Variants in CFAP299 observed in about 807,000 individuals in gnomAD.
CFAP299 encodes the protein cilia- and flagella-associated protein 299.
A neutral mutation model predicts 27.0 loss-of-function variants in CFAP299; 21 were observed. The observed-to-expected ratio is 0.78, with a 90% CI of 0.55 to 1.12. CFAP299 has a LOEUF of 1.12. CFAP299 is among the 50% of genes most tolerant of loss of function. The probability of loss-of-function intolerance (pLI) is 0.00; values close to 1 mark genes in which losing one functional copy is unlikely to be tolerated. For missense variants in CFAP299, 310 were observed against 276.6 expected (o/e 1.12, Z -0.86); for synonymous variants, 104 against 98.1 (o/e 1.06, Z -0.36).
At chr4:80,506,644 A>G (rs1288647576) in intron 2 of CFAP299, among the ~76,000 whole-genome samples, 1 of 152,156 alleles carries the variant, frequency 6.6e-6, no homozygotes, top group African/African-American at 2.4e-5. Context: ...TGAATTCTGA[A>G]GTAGAAAAAA....
intron 3 of CFAP299, among the ~76,000 whole-genome samples, chr4:80,661,696 A>G (rs1740858435): frequency 6.6e-6 from 1 of 152,204 alleles, no homozygotes; most frequent in South Asian, 2.1e-4. Flanking sequence ...TGAAAAAAGA[A>G]CAGGACAACA....
At chr4:80,781,211 G>A (rs1301259786) in intron 3 of CFAP299, among the ~76,000 whole-genome samples, 2 of 151,870 alleles carry the variant, frequency 1.3e-5, no homozygotes, top group Non-Finnish European at 1.5e-5. Context: ...AAGTAACTTC[G>A]TGGAAAATTT....
At chr4:80,350,752 A>C (rs889478819) in intron 1 of CFAP299, among the ~76,000 whole-genome samples, 3 of 152,188 alleles carry the variant, frequency 2.0e-5, no homozygotes, top group African/African-American at 7.2e-5. Context: ...ACGGACACAC[A>C]GAGGGGAATA....
At chr4:80,801,339 T>C (rs1474397891) in intron 3 of CFAP299, among the ~76,000 whole-genome samples, 1 of 152,088 alleles carries the variant, frequency 6.6e-6, no homozygotes, top group East Asian at 1.9e-4. Context: ...AATCTATGAT[T>C]GACACAAATA....
Position 80,874,752 on chromosome 4 carries a change from A to G in CFAP299, c.476+4617A>G, listed in dbSNP as rs187916339. ...CATAAATTTTGGAGGGGACACATTC[A>G]AACCATAGCAATATTAAATTTTGAG... On this transcript the variant is annotated intron_variant, in intron 4 of 5. Transcript: ENST00000358105. Among the ~76,000 whole-genome samples the G allele has an allele frequency of 3.3e-5, 5 of 152,290 alleles. No individual in the cohort carries two copies. The East Asian group carries it at 5.8e-4, about 18-fold the overall frequency.
At chr4:80,495,585 T>G (rs1421931797) in intron 2 of CFAP299, among the ~76,000 whole-genome samples, 1 of 152,212 alleles carries the variant, frequency 6.6e-6, no homozygotes, top group Non-Finnish European at 1.5e-5. Context: ...GAAAACAGCT[T>G]GAGGCCAGGC....
At chr4:80,899,964 T>C (rs1380395956) in intron 4 of CFAP299, among the ~76,000 whole-genome samples, 1 of 152,086 alleles carries the variant, frequency 6.6e-6, no homozygotes, top group Non-Finnish European at 1.5e-5. Context: ...AAAACATTGG[T>C]GACTTTATAA....
At chr4:80,731,109 T>A (rs1054366286) in intron 3 of CFAP299, among the ~76,000 whole-genome samples, 1 of 152,226 alleles carries the variant, frequency 6.6e-6, no homozygotes, top group African/African-American at 2.4e-5. Context: ...AGTATATTTT[T>A]AAAGATGAAA....
At chr4:80,499,781 G>C (rs1731651725) in intron 2 of CFAP299, among the ~76,000 whole-genome samples, 1 of 151,816 alleles carries the variant, frequency 6.6e-6, no homozygotes, top group Non-Finnish European at 1.5e-5. Context: ...TTTTTCCTAG[G>C]ATAAGCACTG....
intron 3 of CFAP299, among the ~76,000 whole-genome samples, chr4:80,655,065 G>A (rs575317489): frequency 5.9e-5 from 9 of 152,138 alleles, no homozygotes; most frequent in African/African-American, 1.7e-4. Flanking sequence ...ATTCTAGGGC[G>A]ATGCCAGTTA....
chr4:80,936,524 A>T (rs1327031486), intron 4 of CFAP299, among the ~76,000 whole-genome samples: 1 of 152,148 alleles, frequency 6.6e-6, no homozygotes, highest in African/African-American at 2.4e-5. Context: ...ACCCTAGCAC[A>T]CTAATGCAGG....
At chr4:80,427,227 G>A (rs974019176) in intron 2 of CFAP299, among the ~76,000 whole-genome samples, 8 of 151,956 alleles carry the variant, frequency 5.3e-5, no homozygotes, top group African/African-American at 1.9e-4. Context: ...CATTTCTCCA[G>A]CTTATTTAAC....
chr4:80,324,905 C>T, the CFAP299 span, among the ~76,000 whole-genome samples: 1 of 152,112 alleles, frequency 6.6e-6, no homozygotes, highest in Non-Finnish European at 1.5e-5. Context: ...GTTGGAACAC[C>T]TGAGGTCAGG....
At chr4:80,383,711 A>T (rs965143306) in intron 2 of CFAP299, among the ~76,000 whole-genome samples, 1 of 152,108 alleles carries the variant, frequency 6.6e-6, no homozygotes, top group African/African-American at 2.4e-5. Context: ...ACCCTATCAA[A>T]TTTTCTAATT....
intron 2 of CFAP299, among the ~76,000 whole-genome samples, chr4:80,439,397 G>C (rs1272359175): frequency 6.6e-6 from 1 of 152,198 alleles, no homozygotes; most frequent in Non-Finnish European, 1.5e-5. Context: ...CCCACAGAGG[G>C]CTTGCAGAAG....
chr4:80,434,304 C>G (rs1273533804), intron 2 of CFAP299, among the ~76,000 whole-genome samples: 1 of 152,094 alleles, frequency 6.6e-6, no homozygotes, highest in Non-Finnish European at 1.5e-5. Context: ...TTCCCTTCTC[C>G]CTTAATGAAA....
chr4:80,454,043 G>C (rs1407704473), intron 2 of CFAP299, among the ~76,000 whole-genome samples: 3 of 151,848 alleles, frequency 2.0e-5, no homozygotes, highest in Admixed American at 1.3e-4. Context: ...GAGTTTCAAG[G>C]CTTAAAAAAT....
chr4:80,600,642 T>C (rs919150286), intron 3 of CFAP299, among the ~76,000 whole-genome samples: 2 of 152,140 alleles, frequency 1.3e-5, no homozygotes, highest in Admixed American at 6.5e-5. Flanking sequence ...AATTATTGCA[T>C]ACTGTGGTTA....
At chr4:80,427,198 T>C (rs1459526298) in intron 2 of CFAP299, among the ~76,000 whole-genome samples, 1 of 152,188 alleles carries the variant, frequency 6.6e-6, no homozygotes, top group Non-Finnish European at 1.5e-5. Context: ...GAACACCTGC[T>C]TAATTTTGTT....
Sources: allele counts gnomAD v4.1 joint callset (sites outside exome capture counted in the v4.1 genomes callset), GRCh38; gene constraint gnomAD v4.1.1; transcripts MANE v1.5; gene names NCBI Gene and HGNC (gene_info 2026-07-23, HGNC 2026-07-21).